The following AGO4 variants were observed in gnomAD, a reference collection of about 807,000 sequenced individuals.
The protein encoded by AGO4 is protein argonaute-4.
In AGO4, 33 loss-of-function variants were observed where a neutral mutation model predicts 104.7. The ratio of observed to expected loss-of-function variants is 0.32; its 90% CI spans 0.24 to 0.42. The LOEUF (loss-of-function observed/expected upper bound fraction) is 0.42. Ranked by LOEUF, AGO4 falls within the 10% of genes least tolerant of loss-of-function variation. The pLI is 1.00. For missense variants in AGO4, 711 were observed against 1,083.4 expected (o/e 0.66, Z 4.83); for synonymous variants, 331 against 364.7 (o/e 0.91, Z 1.05).
At chr1:35,849,405 A>G (rs1224238997) in intron 15 of AGO4, among the ~76,000 whole-genome samples, 1 of 151,440 alleles carries the variant, frequency 6.6e-6, no homozygotes, top group African/African-American at 2.4e-5. Flanking sequence ...TGTTATTGCC[A>G]GATGTGGTAG....
intron 2 of AGO4, among the ~76,000 whole-genome samples, chr1:35,820,198 C>T (rs960494947): frequency 9.9e-5 from 15 of 151,908 alleles, no homozygotes; most frequent in African/African-American, 3.4e-4. Context: ...ACGTCGATAA[C>T]AGTAGTTTGG....
At position 35,822,914 on chromosome 1, in the gene AGO4, CG is replaced by C. The variant is rs1415854032; in HGVS notation, c.240del (p.Gln81SerfsTer27). The C allele has an allele frequency of 6.2e-7, 1 of 1,613,876 alleles. No individual in the cohort carries two copies. ...RHFKMQIFGD[R>X]QPGYDGKRNM... ...CTTCAAGATGCAAATATTTGGTGAT[CG>C]GCAGCCTGGGTATGATGGCAAAAGA... On this transcript the variant is annotated frameshift_variant, in exon 3 of 18. Coordinates refer to ENST00000373210, the MANE Select transcript of AGO4 (RefSeq NM_017629.4). LOFTEE classifies it high-confidence loss of function.
chr1:35,811,488 C>A (rs555767620), intron 1 of AGO4, among the ~76,000 whole-genome samples: 1 of 149,874 alleles, frequency 6.7e-6, no homozygotes, highest in African/African-American at 2.5e-5. Flanking sequence ...AAAACAAAAA[C>A]CAACCACCTC....
intron 17 of AGO4, among the ~76,000 whole-genome samples, chr1:35,852,979 G>T (rs943480146): frequency 6.6e-6 from 1 of 152,120 alleles, no homozygotes; most frequent in Admixed American, 6.5e-5. Flanking sequence ...GGCCTGGCGC[G>T]GTGGCTCACG....
intron 15 of AGO4, among the ~76,000 whole-genome samples, chr1:35,844,218 A>G (rs1644513819): frequency 1.3e-5 from 2 of 151,774 alleles, no homozygotes; most frequent in African/African-American, 4.8e-5. Flanking sequence ...CTTTTTTTGT[A>G]TTTTTTGTAG....
At chr1:35,807,849 C>T (rs1455235214), upstream of AGO4, among the ~76,000 whole-genome samples, 2 of 152,150 alleles carry the variant, frequency 1.3e-5, no homozygotes, top group Non-Finnish European at 2.9e-5. Flanking sequence ...ATCTGTGGGT[C>T]AGCGGAACTG....
At chr1:35,814,664 C>T (rs944093103) in intron 1 of AGO4, among the ~76,000 whole-genome samples, 6 of 151,958 alleles carry the variant, frequency 3.9e-5, no homozygotes, top group Admixed American at 1.3e-4. Context: ...ACACAGAGGA[C>T]GGATCCTCTA....
chr1:35,813,756 GAA>G (rs1388499166), intron 1 of AGO4, among the ~76,000 whole-genome samples: 2 of 146,342 alleles, frequency 1.4e-5, no homozygotes, highest in Non-Finnish European at 3.0e-5. Flanking sequence ...CTCAAAAAAA[GAA>G]AAAAAGAAGA....
chr1:35,831,664 G>A, intron 8 of AGO4, 90 bp downstream of exon 8: 2 of 1,536,048 alleles, frequency 1.3e-6, no homozygotes, highest in Admixed American at 4.2e-5. Context: ...GAAATTTAGT[G>A]TTAATTTCTA....
chr1:35,849,518 CAAA>C (rs754902083), intron 15 of AGO4, among the ~76,000 whole-genome samples: 3 of 59,406 alleles, frequency 5.0e-5, no homozygotes, highest in East Asian at 5.2e-4. Flanking sequence ...CCCCGTGTCT[CAAA>C]AAAAAAAAAA....
At chr1:35,811,460 CAAAAAAAAACAA>C (rs774556567) in intron 1 of AGO4, among the ~76,000 whole-genome samples, 2 of 120,922 alleles carry the variant, frequency 1.7e-5, no homozygotes, top group South Asian at 2.7e-4. Context: ...AGACTCCATC[CAAAAAAAAACAA>C]AAAAAAAAAC....
chr1:35,853,797 T>C lies in AGO4; in HGVS notation c.*192T>C. The C allele has an allele frequency of 2.2e-6, 1 of 454,804 alleles. No individual in the cohort carries two copies. 28.2% of individuals were successfully genotyped at this position (454,804 alleles called of 1,614,324 possible). On this transcript the variant is annotated 3_prime_UTR_variant, in exon 18 of 18. Transcript: ENST00000373210. ...ACAAAATTGAGCCATTTTTTTAAAG[T>C]AATAGATACTAATAGATTATCTTTT...
Position 35,808,729 on chromosome 1 carries a change from G to A in AGO4, c.19+294G>A, listed in dbSNP as rs1434963297. 1.3e-5 allele frequency among the ~76,000 whole-genome samples: 2 copies of A among 152,138 alleles called. No homozygotes were observed. Among genetic ancestry groups the A allele is most frequent in the Non-Finnish European group, 2.9e-5 (2 of 67,994 alleles). On this transcript the variant is annotated intron_variant, in intron 1 of 17. Coordinates refer to ENST00000373210, the MANE Select transcript of AGO4 (RefSeq NM_017629.4). This position sits in a 1 kb window ranked among gnomAD's most constrained non-coding sequence, Gnocchi z 5.2. ...CACCTCGGGGAGACGATATGTGCCC[G>A]GGGTCGCGACGAGGGTAGTTTGGGC...
At chr1:35,822,763 T>G in intron 2 of AGO4, 99 bp from the exon 3 acceptor site, 1 of 1,470,134 alleles carries the variant, frequency 6.8e-7, no homozygotes, top group Non-Finnish European at 9.3e-7. Context: ...TTTTTCCAAG[T>G]AATACTGAAC....
intron 15 of AGO4, among the ~76,000 whole-genome samples, chr1:35,845,213 G>A (rs12142720): frequency 4.6e-4 from 4 of 8,656 alleles, no homozygotes; most frequent in Non-Finnish European, 7.8e-4. Context: ...TTTTTTTTTT[G>A]AAATGGAGTT....
At chr1:35,838,122 G>A (rs1398437858) in intron 13 of AGO4, among the ~76,000 whole-genome samples, 9 of 151,814 alleles carry the variant, frequency 5.9e-5, no homozygotes, top group Admixed American at 3.3e-4. Flanking sequence ...ATGCAATCTC[G>A]GCTCACTGCA....
chr1:35,818,584 G>A (rs1206599784), intron 2 of AGO4, among the ~76,000 whole-genome samples: 6 of 151,010 alleles, frequency 4.0e-5, no homozygotes, highest in Admixed American at 2.7e-4. Flanking sequence ...AGATCATGCC[G>A]CTGCATTCCA....
In AGO4 at chr1:35,850,890, G is replaced by A. The variant is rs746112389; in HGVS notation, c.2314G>A (p.Asp772Asn). Residue 772 changes from aspartate (D) to asparagine (N), a missense_variant, in exon 17 of 18, where the codon GAT (aspartate) becomes AAT (asparagine). This residue lies in a region of AGO4 where 401 missense variants were observed against 665.5 expected (regional missense o/e 0.60). Coordinates refer to ENST00000373210, the MANE Select transcript of AGO4 (RefSeq NM_017629.4). Reference protein sequence around the residue: ...SRPSHYQVLWDDNCFTADELQ... With the variant: ...SRPSHYQVLWNDNCFTADELQ... ...TCCCTCACATTACCAGGTCTTGTGG[G>A]ATGACAACTGCTTCACTGCAGATGA... 2 of 1,613,678 alleles carry A rather than the reference G, an allele frequency of 1.2e-6. No individual in the cohort carries two copies. The highest frequency in any genetic ancestry group is 2.7e-5 in the African/African-American group (2 of 74,804).
intron 7 of AGO4, among the ~76,000 whole-genome samples, chr1:35,830,973 CAAA>C (rs543347096): frequency 8.8e-5 from 5 of 57,092 alleles, no homozygotes; most frequent in Non-Finnish European, 7.6e-5. Flanking sequence ...CTCTGTCTCA[CAAA>C]AAAAAAAAAA....
Sources: gnomAD v4.1 joint callset for allele counts (sites outside exome capture counted in the v4.1 genomes callset) on GRCh38, gnomAD v4.1.1 for gene constraint, gnomAD v4.1.1 regional missense constraint, Gnocchi (gnomAD v3.1) non-coding constraint, MANE v1.5 for transcripts, NCBI Gene and HGNC (gene_info 2026-07-23, HGNC 2026-07-21) for gene names.